The following TMTC2 variants were observed in gnomAD, a reference collection of about 807,000 sequenced individuals.
TMTC2 encodes the protein transmembrane O-mannosyltransferase targeting cadherins 2, also known as protein O-mannosyl-transferase TMTC2.
A neutral mutation model predicts 82.4 loss-of-function variants in TMTC2; 43 were observed. The observed-to-expected ratio is 0.52, with a 90% CI of 0.41 to 0.67. TMTC2 has a LOEUF of 0.67. Among genes scored for constraint, TMTC2 ranks in the 30% least tolerant of loss-of-function variants. The pLI is 0.00. For missense variants in TMTC2, 919 were observed against 1,012.4 expected (o/e 0.91, Z 1.25); for synonymous variants, 408 against 381.9 (o/e 1.07, Z -0.80).
At position 82,906,598 on chromosome 12, in the gene TMTC2, A is replaced by G. The variant is rs1874324728; in HGVS notation, c.1483+9952A>G. On this transcript the variant is annotated intron_variant, in intron 3 of 11. Coordinates refer to ENST00000321196, the MANE Select transcript of TMTC2 (RefSeq NM_152588.3). Reference sequence around the variant, plus strand: ...CAGCTACTCGGGAGGCTGAGGCAGGAGTATTGCTTGAACCCAGGAGGCGGA... The same window carrying G: ...CAGCTACTCGGGAGGCTGAGGCAGGGGTATTGCTTGAACCCAGGAGGCGGA... 2.6e-5 allele frequency among the ~76,000 whole-genome samples: 4 copies of G among 152,128 alleles called. No homozygotes were observed. In the South Asian group the frequency reaches 8.3e-4, roughly 32 times the overall value.
chr12:82,758,840 AT>A (rs1240482071), intron 1 of TMTC2: 1 of 152,200 alleles, frequency 6.6e-6, no homozygotes, highest in African/African-American at 2.4e-5. Flanking sequence ...GGAGAACCTG[AT>A]TTGTTAAACA....
chr12:83,005,915 A>T lies in TMTC2; in HGVS notation c.2070+19869A>T, dbSNP rs12809520. ...CATTCAGCAAAGTTAAGAGCCATGC[A>T]GAGGAGCATGGAGAACCCTTGGATA... On this transcript the variant is annotated intron_variant, in intron 8 of 11. Coordinates refer to ENST00000321196, the MANE Select transcript of TMTC2 (RefSeq NM_152588.3). 3.9e-3 allele frequency among the ~76,000 whole-genome samples: 599 copies of T among 152,324 alleles called. 3 individuals are homozygous for T. The highest frequency in any genetic ancestry group is 5.8e-3 in the Non-Finnish European group (394 of 68,030).
chr12:83,023,413 G>A (rs937708698), intron 8 of TMTC2, among the ~76,000 whole-genome samples: 1 of 152,218 alleles, frequency 6.6e-6, no homozygotes, highest in African/African-American at 2.4e-5. Context: ...ATCTTGGAGT[G>A]AAACTCAGTC....
chr12:82,701,025 GC>G (rs1873051466), intron 1 of TMTC2, among the ~76,000 whole-genome samples: 1 of 152,064 alleles, frequency 6.6e-6, no homozygotes, highest in South Asian at 2.1e-4. Flanking sequence ...GGAAAAACCT[GC>G]CCCCATGATT....
chr12:82,965,989 G>A, intron 6 of TMTC2: 1 of 535,622 alleles, frequency 1.9e-6, no homozygotes, highest in Non-Finnish European at 3.3e-6. Flanking sequence ...GTTTCTCAGA[G>A]CAATTATGGT....
intron 4 of TMTC2, among the ~76,000 whole-genome samples, chr12:82,950,216 A>T (rs189569689): frequency 2.1e-3 from 314 of 152,208 alleles, no homozygotes; most frequent in African/African-American, 7.2e-3. Flanking sequence ...TCATTTTTAG[A>T]CTCTAAAGTA....
At chr12:83,118,539 T>A (rs1884843754) in intron 11 of TMTC2, among the ~76,000 whole-genome samples, 1 of 152,198 alleles carries the variant, frequency 6.6e-6, no homozygotes, top group Non-Finnish European at 1.5e-5. Flanking sequence ...TCATAGTGAA[T>A]TATCTTTTTG....
At chr12:82,803,684 G>A (rs1039912225) in intron 1 of TMTC2, among the ~76,000 whole-genome samples, 2 of 152,060 alleles carry the variant, frequency 1.3e-5, no homozygotes, top group African/African-American at 2.4e-5. Flanking sequence ...CACTGTGCAT[G>A]CTCACCTCCC....
intron 11 of TMTC2, among the ~76,000 whole-genome samples, chr12:83,088,804 G>T (rs1053357208): frequency 6.6e-6 from 1 of 152,076 alleles, no homozygotes; most frequent in Non-Finnish European, 1.5e-5. Context: ...GGTTGAGCAG[G>T]TATATACACA....
chr12:83,095,233 T>G (rs1004731591), intron 11 of TMTC2, among the ~76,000 whole-genome samples: 2 of 142,046 alleles, frequency 1.4e-5, no homozygotes, highest in African/African-American at 5.5e-5. Context: ...TTTTTTTGTT[T>G]TTTTTTTTGT....
chr12:82,731,992 C>T (rs1874836095), intron 1 of TMTC2, among the ~76,000 whole-genome samples: 2 of 152,078 alleles, frequency 1.3e-5, no homozygotes, highest in South Asian at 2.1e-4. Context: ...TTCCTGTTAA[C>T]GAGGGATGAT....
intron 11 of TMTC2, among the ~76,000 whole-genome samples, chr12:83,111,075 C>T (rs933937868): frequency 1.3e-5 from 2 of 152,206 alleles, no homozygotes; most frequent in Non-Finnish European, 2.9e-5. Flanking sequence ...CTATCCTGGT[C>T]AAAAGACATT....
chr12:83,070,631 C>T (rs1181979064), intron 11 of TMTC2, among the ~76,000 whole-genome samples: 1 of 152,126 alleles, frequency 6.6e-6, no homozygotes, highest in Non-Finnish European at 1.5e-5. Context: ...ATTATATCCT[C>T]AGTAAACAGT....
intron 1 of TMTC2, among the ~76,000 whole-genome samples, chr12:82,769,756 G>T (rs1299905058): frequency 2.0e-5 from 3 of 151,966 alleles, no homozygotes; most frequent in Non-Finnish European, 4.4e-5. Context: ...GATTACAGTT[G>T]TGTACCACCA....
chr12:83,109,899 A>G (rs1292009849), intron 11 of TMTC2, among the ~76,000 whole-genome samples: 3 of 152,138 alleles, frequency 2.0e-5, no homozygotes, highest in Non-Finnish European at 4.4e-5. Flanking sequence ...TTAATAACTC[A>G]CTTTAAATCC....
intron 2 of TMTC2, among the ~76,000 whole-genome samples, chr12:82,877,945 A>G (rs1592595863): frequency 6.6e-6 from 1 of 152,232 alleles, no homozygotes; most frequent in African/African-American, 2.4e-5. Flanking sequence ...ACTTTTAAAA[A>G]TCCCAGAGTA....
At chr12:83,106,550 A>G (rs1322350376) in intron 11 of TMTC2, among the ~76,000 whole-genome samples, 1 of 151,822 alleles carries the variant, frequency 6.6e-6, no homozygotes, top group East Asian at 1.9e-4. Flanking sequence ...AAAGATACAC[A>G]CCAAGTTGAA....
chr12:82,951,362 C>A (rs1450837807), intron 4 of TMTC2, among the ~76,000 whole-genome samples: 1 of 152,092 alleles, frequency 6.6e-6, no homozygotes, highest in African/African-American at 2.4e-5. Flanking sequence ...ACAATCTCGG[C>A]TCACTGCAAT....
intron 11 of TMTC2, among the ~76,000 whole-genome samples, chr12:83,107,378 G>A (rs1565890448): frequency 6.6e-6 from 1 of 152,134 alleles, no homozygotes; most frequent in Non-Finnish European, 1.5e-5. Context: ...GTACCTGCTC[G>A]GCTTCTGGTG....
Sources: gnomAD v4.1 joint callset for allele counts (sites outside exome capture counted in the v4.1 genomes callset) on GRCh38, gnomAD v4.1.1 for gene constraint, MANE v1.5 for transcripts, NCBI Gene and HGNC (gene_info 2026-07-23, HGNC 2026-07-21) for gene names.